Variants in ADCY10 observed in about 807,000 individuals in gnomAD.
The protein encoded by ADCY10 is adenylate cyclase 10.
Under a neutral mutation model 183.3 loss-of-function variants are expected in ADCY10, and 156 were observed. That is an observed-to-expected ratio of 0.85 (90% CI 0.75 to 0.97). The LOEUF (loss-of-function observed/expected upper bound fraction) is 0.97, where lower values mean the gene tolerates loss of function less well. Ranked by LOEUF, ADCY10 falls within the 50% of genes least tolerant of loss-of-function variation. ADCY10 has a pLI of 0.00. For missense variants in ADCY10, 1,745 were observed against 1,934.3 expected (o/e 0.90, Z 1.84); for synonymous variants, 645 against 670.0 (o/e 0.96, Z 0.58).
intron 8 of ADCY10, among the ~76,000 whole-genome samples, chr1:167,891,662 A>G (rs920850639): frequency 5.3e-5 from 8 of 151,552 alleles, no homozygotes; most frequent in Non-Finnish European, 1.2e-4. Context: ...TCTCAAAAAA[A>G]AAAAAAAAAG....
chr1:167,863,276 A>ACATTGTATGGAAGGG (rs1431317490), intron 14 of ADCY10, among the ~76,000 whole-genome samples: 1 of 152,156 alleles, frequency 6.6e-6, no homozygotes, highest in African/African-American at 2.4e-5. Context: ...TAGATTCCAG[A>ACATTGTATGGAAGGG]CATTGTATGG....
chr1:167,895,580 A>G (rs1668913510), intron 7 of ADCY10, among the ~76,000 whole-genome samples: 2 of 152,186 alleles, frequency 1.3e-5, no homozygotes, highest in Admixed American at 6.5e-5. Flanking sequence ...TTAGATGCCT[A>G]TTTGACATCC....
At chr1:167,822,510 A>G (rs138399528) in intron 29 of ADCY10, among the ~76,000 whole-genome samples, 1,684 of 152,262 alleles carry the variant, frequency 0.011, 32 homozygotes, top group African/African-American at 0.039. Context: ...AAAACAATTC[A>G]GGTTGGTTCC....
chr1:167,843,139 G>A (rs780664895), intron 21 of ADCY10, among the ~76,000 whole-genome samples: 4 of 152,168 alleles, frequency 2.6e-5, no homozygotes, highest in Non-Finnish European at 5.9e-5. Flanking sequence ...GAGACATTTG[G>A]TCATATATGT....
intron 25 of ADCY10, among the ~76,000 whole-genome samples, chr1:167,831,435 C>A (rs993680793): frequency 3.9e-5 from 6 of 152,186 alleles, no homozygotes; most frequent in African/African-American, 1.4e-4. Context: ...TTCAGGCAAT[C>A]CGCCCCCCTC....
Position 167,870,264 on chromosome 1 carries a change from T to A in ADCY10, c.1609A>T (p.Asn537Tyr). 1 of 1,614,080 alleles carries A rather than the reference T, an allele frequency of 6.2e-7. No homozygotes were observed. The highest frequency in any genetic ancestry group is 8.5e-7 in the Non-Finnish European group (1 of 1,180,004). ...TCATTCCAAGACACTCACCTGTGATTCTTACCTTGGGCCAGGTACTCAATT... is the reference window on the plus strand; with the variant it reads ...TCATTCCAAGACACTCACCTGTGATACTTACCTTGGGCCAGGTACTCAATT... The part of the protein sequence containing the change: ...MKIEYLAQGK[N>Y]HRIIAISLNK... Residue 537 changes from asparagine to tyrosine, a missense_variant, in exon 14 of 33, where the codon AAT (asparagine) becomes TAT (tyrosine). By Grantham distance (143) the Asn-to-Tyr change is moderately radical. Coordinates refer to ENST00000367851, the MANE Select transcript of ADCY10 (RefSeq NM_018417.6).
chr1:167,902,104 T>A (rs376878012), intron 3 of ADCY10, 50 bp from the exon 4 acceptor site: 18 of 1,528,548 alleles, frequency 1.2e-5, no homozygotes, highest in Middle Eastern at 3.5e-4. Flanking sequence ...TTAAAGGTAG[T>A]AAAAAAACAT....
intron 28 of ADCY10, among the ~76,000 whole-genome samples, chr1:167,824,245 C>T (rs1663112201): frequency 6.6e-6 from 1 of 152,076 alleles, no homozygotes. Context: ...ATTGTCTAAA[C>T]CCGGAAGGCA....
At chr1:167,903,303 C>T (rs1392350554) in intron 3 of ADCY10, among the ~76,000 whole-genome samples, 2 of 150,762 alleles carry the variant, frequency 1.3e-5, no homozygotes, top group South Asian at 4.2e-4. Flanking sequence ...CTGGCTCTCA[C>T]CTGTAATCCC....
chr1:167,891,301 G>A (rs1252267816), intron 8 of ADCY10, among the ~76,000 whole-genome samples: 1 of 152,008 alleles, frequency 6.6e-6, no homozygotes, highest in Non-Finnish European at 1.5e-5. Context: ...CCTCTCTGGG[G>A]TGGTGGTATA....
chr1:167,913,177 A>C (rs1670258770), intron 1 of ADCY10, among the ~76,000 whole-genome samples: 1 of 152,182 alleles, frequency 6.6e-6, no homozygotes, highest in Non-Finnish European at 1.5e-5. Context: ...AGAAATGAGG[A>C]TACCTGAGTC....
chr1:167,894,493 A>G (rs1557823589), intron 7 of ADCY10, among the ~76,000 whole-genome samples: 1 of 152,034 alleles, frequency 6.6e-6, no homozygotes, highest in Non-Finnish European at 1.5e-5. Flanking sequence ...ATAAAGATTG[A>G]TAGTTTTATG....
intron 21 of ADCY10, among the ~76,000 whole-genome samples, chr1:167,844,785 A>G (rs1483516721): frequency 6.6e-6 from 1 of 152,146 alleles, no homozygotes; most frequent in Non-Finnish European, 1.5e-5. Context: ...TAATATCCTT[A>G]TAATATAGGA....
chr1:167,905,285 C>G, intron 1 of ADCY10, 87 bp from the exon 2 acceptor site: 1 of 1,016,464 alleles, frequency 9.8e-7, no homozygotes, highest in Non-Finnish European at 1.5e-6. Flanking sequence ...TTGTTCTAAC[C>G]TGCGGCCTGC....
Position 167,809,749 on chromosome 1 carries a change from T to C in ADCY10, c.4762A>G (p.Arg1588Gly). 5.6e-6 allele frequency: 9 copies of C among 1,614,220 alleles called. No homozygotes were observed. Among genetic ancestry groups the C allele is most frequent in the Non-Finnish European group, 6.8e-6 (8 of 1,180,018 alleles). The change falls in exon 33 of 33, where the codon AGG becomes GGG. Residue 1588 changes from arginine (R) to glycine (G), a missense_variant. Transcript: ENST00000367851. ...TTTTGAAGATCCTGAATGTTTACCC[T>C]GCCTGCTACAATTTTTTCCCATGAT... The part of the protein sequence containing the change: ...LPSWEKIVAG[R>G]VNIQDLQKNK...
chr1:167,899,000 A>G (rs1669203623), intron 6 of ADCY10, among the ~76,000 whole-genome samples: 1 of 152,068 alleles, frequency 6.6e-6, no homozygotes, highest in Admixed American at 6.6e-5. Context: ...ACTTCGCCGC[A>G]CTTGCTCAAC....
intron 14 of ADCY10, among the ~76,000 whole-genome samples, chr1:167,862,779 A>G (rs1315173743): frequency 6.6e-6 from 1 of 152,222 alleles, no homozygotes; most frequent in Non-Finnish European, 1.5e-5. Flanking sequence ...TGGGATAGAG[A>G]TACAGCTAAG....
chr1:167,815,756 T>C (rs1349104340), intron 31 of ADCY10, among the ~76,000 whole-genome samples: 1 of 152,146 alleles, frequency 6.6e-6, no homozygotes, highest in Middle Eastern at 3.2e-3. Context: ...ATGATTAATA[T>C]GCTAAAAGCT....
chr1:167,811,625 T>A (rs150696174), intron 31 of ADCY10, among the ~76,000 whole-genome samples: 1 of 152,018 alleles, frequency 6.6e-6, no homozygotes, highest in South Asian at 2.1e-4. Flanking sequence ...GACTGGAAGA[T>A]CAACAACTAT....
Sources: gnomAD v4.1 joint callset for allele counts (sites outside exome capture counted in the v4.1 genomes callset) on GRCh38, gnomAD v4.1.1 for gene constraint, MANE v1.5 for transcripts, NCBI Gene and HGNC (gene_info 2026-07-23, HGNC 2026-07-21) for gene names.